Variants in CDK5RAP2 observed in about 807,000 individuals in gnomAD.
CDK5RAP2 encodes CDK5 regulatory subunit-associated protein 2.
Under a neutral mutation model 232.9 loss-of-function variants are expected in CDK5RAP2, and 147 were observed. That is an observed-to-expected ratio of 0.63 (90% CI 0.55 to 0.72). The LOEUF is 0.72. CDK5RAP2 is among the 30% of genes least tolerant of loss of function. The pLI, the probability that CDK5RAP2 is intolerant of heterozygous loss-of-function variation, is 0.00. For missense variants in CDK5RAP2, 2,195 were observed against 2,231.5 expected (o/e 0.98, Z 0.33); for synonymous variants, 833 against 833.7 (o/e 1.00, Z 0.01).
chr9:120,536,560 T>C, intron 6 of CDK5RAP2, 34 bp from the exon 7 acceptor site: 1 of 1,601,486 alleles, frequency 6.2e-7, no homozygotes, highest in East Asian at 2.2e-5. Context: ...GATGCAATTT[T>C]TCAATACAAT....
chr9:120,515,173 T>G (rs13289373), intron 12 of CDK5RAP2, among the ~76,000 whole-genome samples: 3 of 152,062 alleles, frequency 2.0e-5, no homozygotes, highest in Non-Finnish European at 4.4e-5. Context: ...GGATAATTGT[T>G]TTAAACTAAA....
chr9:120,464,540 A>G (rs570221590), intron 18 of CDK5RAP2, among the ~76,000 whole-genome samples: 30 of 152,306 alleles, frequency 2.0e-4, no homozygotes, highest in African/African-American at 7.0e-4. Flanking sequence ...TTGCTACTCA[A>G]AGTGTATTCC....
In CDK5RAP2 at chr9:120,580,118, T is replaced by A; in HGVS notation, c.-140A>T. On this transcript the variant is annotated 5_prime_UTR_variant, in exon 1 of 38. Transcript: ENST00000349780. The stretch of plus-strand genomic sequence containing the variant: ...TCAGACTCTGGCGGCGCCGCTGGAA[T>A]TCAAACCACAGACGCCGCCATCTTT... The A allele has an allele frequency of 3.4e-6, 2 of 592,418 alleles. No individual in the cohort carries two copies. The highest frequency in any genetic ancestry group is 2.1e-5 in the South Asian group (1 of 47,534). 36.7% of individuals were successfully genotyped at this position (592,418 alleles called of 1,614,324 possible). A position where few individuals can be genotyped will look rare whatever the true frequency, so the allele number is the denominator to read the frequency against.
At chr9:120,549,622 G>A (rs1489590381) in intron 4 of CDK5RAP2, among the ~76,000 whole-genome samples, 2 of 152,178 alleles carry the variant, frequency 1.3e-5, no homozygotes, top group African/African-American at 4.8e-5. Context: ...GCACAGGACT[G>A]TCATGAGAAT....
At chr9:120,432,470 A>G (rs1322162206) in intron 25 of CDK5RAP2, among the ~76,000 whole-genome samples, 1 of 152,230 alleles carries the variant, frequency 6.6e-6, no homozygotes, top group African/African-American at 2.4e-5. Flanking sequence ...AACTCATGCT[A>G]TATGACTGCC....
At chr9:120,437,763 A>G (rs181594019) in intron 24 of CDK5RAP2, among the ~76,000 whole-genome samples, 6 of 152,350 alleles carry the variant, frequency 3.9e-5, no homozygotes, top group East Asian at 1.9e-4. Context: ...AAAGCCCCCA[A>G]TTAAAGTACA....
intron 5 of CDK5RAP2, among the ~76,000 whole-genome samples, chr9:120,542,875 C>A (rs919827586): frequency 3.9e-5 from 6 of 152,150 alleles, no homozygotes; most frequent in African/African-American, 1.4e-4. Context: ...GAGACTGATG[C>A]GGGCTAGAGG....
intron 5 of CDK5RAP2, 45 bp from the exon 6 acceptor site, chr9:120,539,209 T>G (rs1157505207): frequency 6.2e-7 from 1 of 1,612,418 alleles, no homozygotes; most frequent in East Asian, 2.2e-5. Context: ...GGTGATGGTC[T>G]GATGGTTATT....
intron 3 of CDK5RAP2, among the ~76,000 whole-genome samples, chr9:120,553,690 T>C (rs764923078): frequency 1.3e-5 from 2 of 152,252 alleles, no homozygotes; most frequent in Non-Finnish European, 2.9e-5. Context: ...CCTTTTTTGA[T>C]AATTCATTAA....
chr9:120,566,788 G>A (rs1030298269), intron 3 of CDK5RAP2, among the ~76,000 whole-genome samples: 2 of 152,202 alleles, frequency 1.3e-5, no homozygotes, highest in African/African-American at 4.8e-5. Flanking sequence ...AGCACAGACT[G>A]CCTCTGAGAA....
intron 12 of CDK5RAP2, among the ~76,000 whole-genome samples, chr9:120,507,701 A>C (rs1378036157): frequency 6.6e-6 from 1 of 151,734 alleles, no homozygotes; most frequent in Non-Finnish European, 1.5e-5. Context: ...TTACACAGGA[A>C]AAAAAAGAAC....
rs937036457 is a variant in CDK5RAP2, at chr9:120,559,612, C to G, written c.195+8709G>C. 5.1e-5 allele frequency among the ~76,000 whole-genome samples: 5 copies of G among 98,530 alleles called. No homozygotes were observed. In the East Asian group the frequency reaches 1.3e-3, roughly 26 times the overall value. 64.6% of individuals were successfully genotyped at this position (98,530 alleles called of 152,430 possible). On this transcript the variant is annotated intron_variant, in intron 3 of 37. Transcript: ENST00000349780. ...AAACTTGAGGTGGAAAAACTGAAAA[C>G]AGCTTACAATACAGTAGGAATAATT...
chr9:120,541,615 G>A (rs1005225643), intron 5 of CDK5RAP2, among the ~76,000 whole-genome samples: 1 of 152,130 alleles, frequency 6.6e-6, no homozygotes, highest in African/African-American at 2.4e-5. Flanking sequence ...TATAACAATG[G>A]AAAACCAGCC....
chr9:120,411,430 G>T lies in CDK5RAP2; in HGVS notation c.4342C>A (p.Leu1448Ile), dbSNP rs766461777. 3 of 1,613,416 alleles carry T rather than the reference G, an allele frequency of 1.9e-6. No homozygotes were observed. Among genetic ancestry groups the T allele is most frequent in the Non-Finnish European group, 1.7e-6 (2 of 1,179,390 alleles). Residue 1448 changes from leucine to isoleucine, a missense_variant, in exon 29 of 38, where the codon CTA becomes ATA. Coordinates refer to ENST00000349780, the MANE Select transcript of CDK5RAP2 (RefSeq NM_018249.6). The part of the protein sequence containing the change: ...FASGSELHSS[L>I]TSEIHFLRKQ... ...CTCAAGAAATGAATTTCTGATGTTA[G>T]AGAACTATGAAGCTCTGAACCAGAA...
At position 120,450,869 on chromosome 9, in the gene CDK5RAP2, C is replaced by A. The variant is rs372344179; in HGVS notation, c.2793+2587G>T. On this transcript the variant is annotated intron_variant, in intron 21 of 37. Transcript: ENST00000349780. ...GCTCTTCAGGGTCCACTGCTCAGTT[C>A]GGAAAAGTGAGATGCTTTCTGCTCT... Among the ~76,000 whole-genome samples the A allele has an allele frequency of 1.3e-4, 20 of 152,254 alleles. No homozygotes were observed. In the South Asian group the frequency reaches 3.9e-3, roughly 30 times the overall value.
Position 120,489,310 on chromosome 9 carries a change from G to T in CDK5RAP2, c.1483-1873C>A, listed in dbSNP as rs569745902. ...TCCCTCTGTTCTAAAATTTCAAAAT[G>T]ACACACCATGGGGTATGGGTCTTTT... On this transcript the variant is annotated intron_variant, in intron 13 of 37. Coordinates refer to ENST00000349780, the MANE Select transcript of CDK5RAP2 (RefSeq NM_018249.6). 2.6e-5 allele frequency among the ~76,000 whole-genome samples: 4 copies of T among 152,314 alleles called. No individual in the cohort carries two copies. In the South Asian group the frequency reaches 8.3e-4, roughly 32 times the overall value.
At chr9:120,410,369 C>A (rs1005670898) in intron 29 of CDK5RAP2, among the ~76,000 whole-genome samples, 1 of 152,186 alleles carries the variant, frequency 6.6e-6, no homozygotes, top group East Asian at 1.9e-4. Context: ...ATTTAAAAGG[C>A]CCTGGCTCCT....
intron 1 of CDK5RAP2, among the ~76,000 whole-genome samples, chr9:120,579,094 A>AGGTCC (rs2043146999): frequency 6.6e-6 from 1 of 152,138 alleles, no homozygotes; most frequent in Admixed American, 6.5e-5. Context: ...AGGCCTTCCT[A>AGGTCC]CCAGACCCCA....
intron 8 of CDK5RAP2, 126 bp downstream of exon 8, chr9:120,529,852 C>T: frequency 1.1e-6 from 1 of 908,070 alleles, no homozygotes; most frequent in Non-Finnish European, 1.8e-6. Flanking sequence ...CACTCCTCAG[C>T]TGACAGGGGA....
Sources: allele counts gnomAD v4.1 joint callset (sites outside exome capture counted in the v4.1 genomes callset), GRCh38; gene constraint gnomAD v4.1.1; transcripts MANE v1.5; gene names NCBI Gene and HGNC (gene_info 2026-07-23, HGNC 2026-07-21).